MYCBP2: variants seen among roughly 807,000 people sequenced by gnomAD.
MYCBP2 encodes MYC binding protein 2.
A neutral mutation model predicts 525.3 loss-of-function variants in MYCBP2; 120 were observed. The ratio of observed to expected loss-of-function variants is 0.23; its 90% confidence interval spans 0.20 to 0.27. MYCBP2 has a LOEUF of 0.27. Ranked by LOEUF, MYCBP2 falls within the 10% of genes least tolerant of loss-of-function variation. The pLI, the probability that MYCBP2 is intolerant of heterozygous loss-of-function variation, is 1.00. For missense variants in MYCBP2, 4,149 were observed against 5,657.1 expected (o/e 0.73, Z 8.55); for synonymous variants, 1,894 against 1,955.8 (o/e 0.97, Z 0.83).
At chr13:77,050,891 A>G (rs2036660955) in intron 82 of MYCBP2, 106 bp downstream of exon 82, 1 of 956,548 alleles carries the variant, frequency 1.0e-6, no homozygotes, top group Non-Finnish European at 1.6e-6. Flanking sequence ...TCTTTAGGCT[A>G]GTTTGAATTG....
chr13:77,175,751 A>G (rs1003030905), intron 36 of MYCBP2, among the ~76,000 whole-genome samples: 1 of 152,130 alleles, frequency 6.6e-6, no homozygotes, highest in Admixed American at 6.5e-5. Context: ...ACTTGAGGGC[A>G]GGAGTTCGAG....
Position 77,165,373 on chromosome 13 carries a change from GA to G in MYCBP2, c.6358del (p.Ser2120HisfsTer9). The G allele has an allele frequency of 6.3e-7, 1 of 1,594,720 alleles. No homozygotes were observed. Among genetic ancestry groups the G allele is most frequent in the Admixed American group, 1.8e-5 (1 of 54,750 alleles). ...CACATAATCTGATGCAGTCTCCAAT[GA>G]AAAAAGGGCCTCATTTCCTAATAAA... ...LVLPGNEALFSLETASDYVKD... is the reference protein window; with the variant it reads ...LVLPGNEALFXLETASDYVKD... On this transcript the variant is annotated frameshift_variant, in exon 42 of 83. Transcript: ENST00000544440. LOFTEE classifies it high-confidence loss of function.
At position 77,294,111 on chromosome 13, in the gene MYCBP2, T is replaced by TATATATATATATACATACATATAC. The variant is rs2077815581; in HGVS notation, c.378+2487_378+2488insGTATATGTATGTATATATATATAT. 1.5e-4 allele frequency among the ~76,000 whole-genome samples: 8 copies of TATATATATATATACATACATATAC among 54,470 alleles called. No homozygotes were observed. The Admixed American group carries it at 2.4e-3, about 16-fold the overall frequency. 35.7% of individuals were successfully genotyped at this position (54,470 alleles called of 152,430 possible). ...ATAAAGTAGATATAATGGCTATATA[T>TATATATATATATACATACATATAC]ATATATATATATATATATACATATA... On this transcript the variant is annotated intron_variant, in intron 2 of 82. Coordinates refer to ENST00000544440, the MANE Select transcript of MYCBP2 (RefSeq NM_015057.5).
chr13:77,057,193 A>G (rs937087466), intron 78 of MYCBP2, 100 bp from the exon 79 acceptor site: 2 of 780,612 alleles, frequency 2.6e-6, no homozygotes, highest in African/African-American at 3.5e-5. Context: ...TAAAGCAGGT[A>G]AGAGAAAAAT....
chr13:77,262,183 A>C, intron 10 of MYCBP2, 54 bp from the exon 11 acceptor site: 1 of 1,409,592 alleles, frequency 7.1e-7, no homozygotes, highest in Non-Finnish European at 9.9e-7. Flanking sequence ...AGAATTCTAA[A>C]TACAACATGC....
intron 34 of MYCBP2, among the ~76,000 whole-genome samples, chr13:77,178,985 T>C (rs777551630): frequency 5.3e-5 from 8 of 152,232 alleles, no homozygotes; most frequent in Non-Finnish European, 1.0e-4. Context: ...CAATCGTCTC[T>C]GAGGCCAAAC....
intron 44 of MYCBP2, among the ~76,000 whole-genome samples, chr13:77,159,626 C>A (rs2057636902): frequency 6.6e-6 from 1 of 152,094 alleles, no homozygotes; most frequent in Non-Finnish European, 1.5e-5. Context: ...CTTACAATAT[C>A]TGGTTGTTTG....
chr13:77,204,152 CA>C (rs1253420418), intron 26 of MYCBP2, among the ~76,000 whole-genome samples: 1 of 151,522 alleles, frequency 6.6e-6, no homozygotes, highest in African/African-American at 2.4e-5. Flanking sequence ...ACTCATCTGA[CA>C]AAGGGCTAAT....
At chr13:77,059,694 T>C (rs1217439167) in intron 76 of MYCBP2, 68 bp from the exon 77 acceptor site, 2 of 1,157,494 alleles carry the variant, frequency 1.7e-6, no homozygotes, top group Non-Finnish European at 2.6e-6. Flanking sequence ...CAGAACTAAA[T>C]TTTAAAAAGC....
intron 47 of MYCBP2, among the ~76,000 whole-genome samples, chr13:77,148,279 C>A (rs1170770938): frequency 6.6e-6 from 1 of 151,918 alleles, no homozygotes; most frequent in African/African-American, 2.4e-5. Flanking sequence ...GAAGAGAATT[C>A]TTTAACAGCC....
intron 35 of MYCBP2, among the ~76,000 whole-genome samples, chr13:77,177,325 C>A (rs918118265): frequency 7.0e-6 from 1 of 143,384 alleles, no homozygotes; most frequent in East Asian, 2.0e-4. Flanking sequence ...TTTTCAATTT[C>A]TTTTCTTTCT....
intron 58 of MYCBP2, 147 bp downstream of exon 58, chr13:77,095,211 G>T (rs951733277): frequency 6.5e-6 from 6 of 918,578 alleles, no homozygotes; most frequent in African/African-American, 1.7e-5. Flanking sequence ...GTCAGTCAAG[G>T]CAACTCAAAA....
intron 27 of MYCBP2, among the ~76,000 whole-genome samples, chr13:77,192,393 CAT>C (rs2061370496): frequency 1.3e-5 from 2 of 152,034 alleles, no homozygotes; most frequent in South Asian, 4.2e-4. Context: ...GAGTCTGTCA[CAT>C]AATATCTATA....
At chr13:77,183,016 GA>G (rs1419820370) in intron 32 of MYCBP2, among the ~76,000 whole-genome samples, 6 of 152,112 alleles carry the variant, frequency 3.9e-5, no homozygotes, top group Admixed American at 2.6e-4. Flanking sequence ...CTATATGGAG[GA>G]AATCATCAAT....
chr13:77,195,615 C>A (rs566683508), intron 26 of MYCBP2, among the ~76,000 whole-genome samples: 1 of 152,172 alleles, frequency 6.6e-6, no homozygotes, highest in East Asian at 1.9e-4. Context: ...CCGAAATAAT[C>A]ATTTTTCCAT....
chr13:77,144,462 A>G lies in MYCBP2; in HGVS notation c.7286T>C (p.Ile2429Thr), dbSNP rs750799886. 2.1e-5 allele frequency: 34 copies of G among 1,612,002 alleles called. No individual in the cohort carries two copies. The highest frequency in any genetic ancestry group is 2.8e-5 in the Non-Finnish European group (33 of 1,178,260). The change falls in exon 49 of 83, where the codon ATT becomes ACT. Residue 2429 changes from isoleucine to threonine, a missense_variant. Ile to Thr is a moderately conservative substitution (Grantham distance 89). Coordinates refer to ENST00000544440, the MANE Select transcript of MYCBP2 (RefSeq NM_015057.5). ...GAAAATACCGATTTCAATGCCATCA[A>G]TGGTAACATGAAGAGTGTAGAGTCC... The part of the protein sequence containing the change: ...AIGLYTLHVT[I>T]DGIEIDAGLE...
At position 77,217,921 on chromosome 13, in the gene MYCBP2, A is replaced by G. The variant is rs775386412; in HGVS notation, c.2976T>C (p.Pro992=). Residue 992 remains proline, a synonymous_variant, in exon 21 of 83, where the codon CCT becomes CCC. Coordinates refer to ENST00000544440, the MANE Select transcript of MYCBP2 (RefSeq NM_015057.5). ...CPTLVQALPG[P]STQVTAGSNH... is the part of the protein sequence containing the mutation. ...TGCTGCCTGCAGTGACTTGTGTGCT[A>G]GGGCCTGGCAATGCTTGAACAAGAG... 3.7e-6 allele frequency: 6 copies of G among 1,611,206 alleles called. No individual in the cohort carries two copies. The highest frequency in any genetic ancestry group is 5.1e-6 in the Non-Finnish European group (6 of 1,178,618).
chr13:77,114,503 T>C (rs77525720), intron 55 of MYCBP2, among the ~76,000 whole-genome samples: 3,465 of 152,198 alleles, frequency 0.023, 69 homozygotes, highest in Non-Finnish European at 0.036. Flanking sequence ...TAAGTAAACA[T>C]AGTACTTTAG....
intron 2 of MYCBP2, among the ~76,000 whole-genome samples, chr13:77,291,128 G>A (rs1017312297): frequency 2.6e-5 from 4 of 152,080 alleles, no homozygotes; most frequent in African/African-American, 9.7e-5. Context: ...AATGTATTTG[G>A]AATGCAGATA....
Sources: allele counts gnomAD v4.1 joint callset (sites outside exome capture counted in the v4.1 genomes callset), GRCh38; gene constraint gnomAD v4.1.1; transcripts MANE v1.5; gene names NCBI Gene and HGNC (gene_info 2026-07-23, HGNC 2026-07-21).